CBLN2: variants seen among roughly 807,000 people sequenced by gnomAD.
CBLN2 encodes cerebellin-2.
Under a neutral mutation model 15.0 loss-of-function variants are expected in CBLN2, and 7 were observed. The observed-to-expected ratio is 0.47, with a 90% CI of 0.27 to 0.88. CBLN2 has a LOEUF of 0.88. Ranked by LOEUF, CBLN2 falls within the 40% of genes least tolerant of loss-of-function variation. CBLN2 has a pLI of 0.14. For missense variants in CBLN2, 242 were observed against 304.5 expected (o/e 0.79, Z 1.53); for synonymous variants, 149 against 135.2 (o/e 1.10, Z -0.71).
At chr18:72,612,099 T>G (rs569540042) in intron 1 of CBLN2, among the ~76,000 whole-genome samples, 17 of 152,312 alleles carry the variant, frequency 1.1e-4, no homozygotes, top group Non-Finnish European at 2.1e-4. Flanking sequence ...CATTGTTATA[T>G]GTGTCTGTTT....
In CBLN2 at chr18:72,536,841, C is replaced by T. The variant is rs542559290; in HGVS notation, c.*1335G>A. The T allele has an allele frequency of 3.3e-5, 5 of 152,602 alleles. No homozygotes were observed. The highest frequency in any genetic ancestry group is 2.0e-4 in the Admixed American group (3 of 15,274). The allele number at this position is 152,602 out of a possible 1,614,324, so 9.5% of individuals were successfully genotyped here. ...TTTCCTTGGCATATGCATTACACAC[C>T]CATCAACTCTCAGCTGTGTCTTAAT... On this transcript the variant is annotated 3_prime_UTR_variant, in exon 5 of 5. Coordinates refer to ENST00000269503, the MANE Select transcript of CBLN2 (RefSeq NM_182511.4).
chr18:72,579,732 GCAAAAAA>G (rs1359382633), intron 1 of CBLN2, among the ~76,000 whole-genome samples: 2 of 94,086 alleles, frequency 2.1e-5, no homozygotes, highest in Admixed American at 9.9e-5. Flanking sequence ...ACTCCGTCTC[GCAAAAAA>G]CAAAAAACAA....
intron 1 of CBLN2, among the ~76,000 whole-genome samples, chr18:72,554,373 A>G (rs2069210670): frequency 6.6e-6 from 1 of 152,124 alleles, no homozygotes; most frequent in Non-Finnish European, 1.5e-5. Flanking sequence ...AGCATATGAA[A>G]AAGGGGTTTT....
intron 1 of CBLN2, among the ~76,000 whole-genome samples, chr18:72,634,669 T>G (rs779721285): frequency 6.6e-5 from 10 of 152,150 alleles, no homozygotes; most frequent in Non-Finnish European, 1.5e-4. Context: ...GTCAGGGATT[T>G]ATAATTGCAG....
rs559708259 is a variant in CBLN2 at position 72,559,289 on chromosome 18, C to T, written c.16-20517G>A. ...CTTCCCTTCAGGATTTGCAAGTTCC[C>T]TTTTCAGAGGTGAAAAGAACAATTT... is the stretch of plus-strand genomic sequence containing the variant. On this transcript the variant is annotated intron_variant, in intron 1 of 2. Coordinates refer to the CBLN2 transcript ENST00000581073. 2.0e-4 allele frequency among the ~76,000 whole-genome samples: 31 copies of T among 152,270 alleles called. 1 individual carries two copies. In the South Asian group the frequency reaches 5.6e-3, roughly 27 times the overall value.
intron 1 of CBLN2, among the ~76,000 whole-genome samples, chr18:72,592,734 A>G (rs193221158): frequency 4.8e-4 from 73 of 152,278 alleles, no homozygotes; most frequent in African/African-American, 1.6e-3. Context: ...CCCCAGCACC[A>G]TTTAATGCAG....
chr18:72,582,344 C>G (rs1017760092), intron 1 of CBLN2, among the ~76,000 whole-genome samples: 1 of 152,100 alleles, frequency 6.6e-6, no homozygotes, highest in African/African-American at 2.4e-5. Flanking sequence ...GTGGAGCATC[C>G]GGGAACAGTA....
At chr18:72,578,542 C>G (rs1335416164) in intron 1 of CBLN2, among the ~76,000 whole-genome samples, 1 of 152,126 alleles carries the variant, frequency 6.6e-6, no homozygotes, top group Non-Finnish European at 1.5e-5. Flanking sequence ...TACTCTTTGT[C>G]CCCTCCTTTT....
In CBLN2 at chr18:72,541,814, T is replaced by C. The variant is rs1056860989; in HGVS notation, c.347A>G (p.Tyr116Cys). 1 of 1,562,682 alleles carries C rather than the reference T, an allele frequency of 6.4e-7. No homozygotes were observed. The highest frequency in any genetic ancestry group is 8.7e-7 in the Non-Finnish European group (1 of 1,155,450). ...AGGCCGACGGCTGACCTGGTCGAAA[T>C]AGATGGTCATGGTGCGGTTGCTCAT... ...SEMSNRTMTIYFDQVLVNIGN... is the reference protein window; with the variant it reads ...SEMSNRTMTICFDQVLVNIGN... The change falls in exon 3 of 5, where the codon TAT (tyrosine) becomes TGT (cysteine). Residue 116 changes from tyrosine to cysteine, a missense_variant. By Grantham distance (194) the Tyr-to-Cys change is radical. Around this residue, in one of 4 missense-constraint regions of CBLN2, gnomAD observed 89 missense variants for 114.2 expected, o/e 0.78. Coordinates refer to ENST00000269503, the MANE Select transcript of CBLN2 (RefSeq NM_182511.4).
At chr18:72,582,533 C>T (rs1599009806) in intron 1 of CBLN2, among the ~76,000 whole-genome samples, 1 of 152,240 alleles carries the variant, frequency 6.6e-6, no homozygotes, top group Admixed American at 6.5e-5. Flanking sequence ...TGTGAAGGAG[C>T]TTTTTCCTGG....
intron 1 of CBLN2, among the ~76,000 whole-genome samples, chr18:72,592,596 T>A (rs376147871): frequency 6.6e-6 from 1 of 152,216 alleles, no homozygotes; most frequent in African/African-American, 2.4e-5. Context: ...TTTTCTCCAA[T>A]TTTTTCTTAT....
upstream of CBLN2, among the ~76,000 whole-genome samples, chr18:72,546,485 C>T (rs1040599481): frequency 2.0e-5 from 3 of 151,856 alleles, no homozygotes; most frequent in Non-Finnish European, 2.9e-5. Flanking sequence ...GGAATTTTAG[C>T]TTGTAAATAT....
chr18:72,633,104 G>C (rs561418933), intron 1 of CBLN2, among the ~76,000 whole-genome samples: 10 of 152,096 alleles, frequency 6.6e-5, no homozygotes, highest in Non-Finnish European at 1.3e-4. Flanking sequence ...TATGTACTAA[G>C]TATTCAAAAA....
At chr18:72,577,774 C>CATTTCAATATGTAG (rs1208334841) in intron 1 of CBLN2, among the ~76,000 whole-genome samples, 3 of 152,132 alleles carry the variant, frequency 2.0e-5, no homozygotes, top group Non-Finnish European at 4.4e-5. Flanking sequence ...GTGAGTTGCA[C>CATTTCAATATGTAG]ATTTCAATAT....
chr18:72,609,614 A>G (rs556676507), intron 1 of CBLN2, among the ~76,000 whole-genome samples: 1 of 152,282 alleles, frequency 6.6e-6, no homozygotes, highest in East Asian at 1.9e-4. Context: ...ACCTACAGCT[A>G]TGAGAAGCTG....
chr18:72,562,301 T>C (rs1019260363), intron 1 of CBLN2, among the ~76,000 whole-genome samples: 4 of 151,788 alleles, frequency 2.6e-5, no homozygotes, highest in Non-Finnish European at 4.4e-5. Context: ...AAAATATATA[T>C]CAAGCACAGG....
At chr18:72,595,565 T>G (rs943625423) in intron 1 of CBLN2, among the ~76,000 whole-genome samples, 1 of 152,138 alleles carries the variant, frequency 6.6e-6, no homozygotes, top group South Asian at 2.1e-4. Context: ...TTAAGTCTGA[T>G]GTTTCTTTAT....
chr18:72,631,634 C>T (rs1302445893), intron 1 of CBLN2, among the ~76,000 whole-genome samples: 1 of 152,048 alleles, frequency 6.6e-6, no homozygotes, highest in East Asian at 1.9e-4. Context: ...CTGACTTGGG[C>T]AAATCTGGGG....
At chr18:72,617,796 T>A (rs190436639) in intron 1 of CBLN2, among the ~76,000 whole-genome samples, 89 of 152,280 alleles carry the variant, frequency 5.8e-4, no homozygotes, top group African/African-American at 1.9e-3. Context: ...ATAATCTGTA[T>A]ATATGAATGA....
Sources: allele counts gnomAD v4.1 joint callset (sites outside exome capture counted in the v4.1 genomes callset), GRCh38; gene constraint gnomAD v4.1.1; regional missense constraint gnomAD v4.1.1; transcripts MANE v1.5; gene names NCBI Gene and HGNC (gene_info 2026-07-23, HGNC 2026-07-21).